Variants in TFCP2 observed in about 807,000 individuals in gnomAD.
TFCP2 encodes alpha-globin transcription factor CP2.
A neutral mutation model predicts 73.4 loss-of-function variants in TFCP2; 33 were observed. That is an observed-to-expected ratio of 0.45 (90% CI 0.34 to 0.60). The LOEUF (loss-of-function observed/expected upper bound fraction) is 0.60, where lower values mean the gene tolerates loss of function less well. Ranked by LOEUF, TFCP2 falls within the 20% of genes least tolerant of loss-of-function variation. TFCP2 has a pLI of 0.01. For missense variants in TFCP2, 352 were observed against 604.0 expected, an observed-to-expected ratio of 0.58 and a Z score of 4.37; for synonymous variants, 193 against 211.6, an observed-to-expected ratio of 0.91 and a Z score of 0.76.
At chr12:51,168,503 G>C (rs1941797408) in intron 1 of TFCP2, among the ~76,000 whole-genome samples, 1 of 151,582 alleles carries the variant, frequency 6.6e-6, no homozygotes, top group South Asian at 2.1e-4. Flanking sequence ...TTGTTTTTTT[G>C]AGACAGGGTC....
chr12:51,172,402 C>A lies in TFCP2; in HGVS notation c.21G>T (p.Leu7=), dbSNP rs763216240. The part of the protein sequence containing the change: MAWALK[L]PLADEVIESG... ...ATTCAATCACTTCGTCGGCCAGAGG[C>A]AGCTTCAGAGCCCAGGCCATCCTGG... Residue 7 remains leucine, a synonymous_variant, in exon 1 of 15, where the codon CTG becomes CTT. Transcript: ENST00000257915. 1.4e-5 allele frequency: 22 copies of A among 1,614,012 alleles called. No individual in the cohort carries two copies. Among genetic ancestry groups the A allele is most frequent in the Non-Finnish European group, 1.9e-5 (22 of 1,180,028 alleles).
At position 51,118,849 on chromosome 12, in the gene TFCP2, C is replaced by A. The variant is rs763710655; in HGVS notation, c.123-77G>T. ...GGTTTATTGCTGAATGATTTAACTGCAATGCTTTGGAAAGCCATAAACATT... is the reference window on the plus strand; with the variant it reads ...GGTTTATTGCTGAATGATTTAACTGAAATGCTTTGGAAAGCCATAAACATT... On this transcript the variant is annotated intron_variant, in intron 1 of 14. Coordinates refer to ENST00000257915, the MANE Select transcript of TFCP2 (RefSeq NM_005653.5). 6.0e-4 allele frequency: 878 copies of A among 1,474,294 alleles called. No homozygotes were observed. In the Middle Eastern group the frequency reaches 8.4e-3, roughly 14 times the overall value. 91.3% of individuals were successfully genotyped at this position (1,474,294 alleles called of 1,614,324 possible).
intron 1 of TFCP2, among the ~76,000 whole-genome samples, chr12:51,151,010 G>C (rs112663428): frequency 6.6e-6 from 1 of 152,094 alleles, no homozygotes; most frequent in Non-Finnish European, 1.5e-5. Context: ...TGCTGGTGAG[G>C]GGGAGGAGGC....
At chr12:51,153,359 G>C (rs1182218277) in intron 1 of TFCP2, among the ~76,000 whole-genome samples, 1 of 151,474 alleles carries the variant, frequency 6.6e-6, no homozygotes, top group African/African-American at 2.4e-5. Context: ...CTGGGTGACA[G>C]AGCAAGACCC....
chr12:51,109,026 A>G, intron 6 of TFCP2, 95 bp downstream of exon 6: 13 of 1,438,238 alleles, frequency 9.0e-6, no homozygotes, highest in Non-Finnish European at 1.2e-5. Context: ...TGAGTTTTCA[A>G]AAAAAGACAA....
intron 1 of TFCP2, among the ~76,000 whole-genome samples, chr12:51,138,723 C>T (rs1941120105): frequency 6.6e-6 from 1 of 152,058 alleles, no homozygotes; most frequent in South Asian, 2.1e-4. Context: ...ACCACAACAT[C>T]CGCCTCCCGG....
Position 51,173,122 on chromosome 12 carries a change from C to G in TFCP2, c.-700G>C, listed in dbSNP as rs1256331278. 1 of 152,454 alleles carries G rather than the reference C, an allele frequency of 6.6e-6. No homozygotes were observed. The highest frequency in any genetic ancestry group is 2.4e-5 in the African/African-American group (1 of 41,470). 9.4% of individuals were successfully genotyped at this position (152,454 alleles called of 1,614,324 possible). A position where few individuals can be genotyped will look rare whatever the true frequency, so the allele number is the denominator to read the frequency against. On this transcript the variant is annotated 5_prime_UTR_variant, in exon 1 of 15. Coordinates refer to ENST00000257915, the MANE Select transcript of TFCP2 (RefSeq NM_005653.5). ...CCAATCATGGCGTCCTCTTTCCTCG[C>G]CTGCCCGGCGAACATGACGTCACGC... is the stretch of plus-strand genomic sequence containing the variant.
chr12:51,095,293 A>G lies in TFCP2; in HGVS notation c.1472-15T>C, dbSNP rs749590120. 9.9e-6 allele frequency: 16 copies of G among 1,613,176 alleles called. No individual in the cohort carries two copies. Among genetic ancestry groups the G allele is most frequent in the African/African-American group, 1.3e-5 (1 of 74,882 alleles). On this transcript the variant is annotated splice_polypyrimidine_tract_variant and intron_variant, in intron 14 of 14. Coordinates refer to ENST00000257915, the MANE Select transcript of TFCP2 (RefSeq NM_005653.5). The stretch of plus-strand genomic sequence containing the variant: ...ATTGGTTTCTGCTGTTAAAAAAAAG[A>G]GAGAGAGAGAATCATCTTTAGTCAC...
intron 1 of TFCP2, among the ~76,000 whole-genome samples, chr12:51,146,092 A>G (rs552766134): frequency 5.3e-5 from 8 of 151,874 alleles, no homozygotes; most frequent in Admixed American, 2.0e-4. Context: ...GAGGCTGGCC[A>G]TAATGGCTCA....
intron 1 of TFCP2, among the ~76,000 whole-genome samples, chr12:51,119,850 G>GT (rs1245301169): frequency 6.6e-6 from 1 of 151,906 alleles, no homozygotes; most frequent in East Asian, 1.9e-4. Flanking sequence ...AAATGAAAAT[G>GT]TAAGTCCACC....
chr12:51,161,173 C>A (rs1941640795), intron 1 of TFCP2, among the ~76,000 whole-genome samples: 1 of 151,984 alleles, frequency 6.6e-6, no homozygotes, highest in Admixed American at 6.6e-5. Context: ...ACTTCAGTGA[C>A]CGCATGCAAC....
chr12:51,109,506 T>C (rs1940340404), intron 5 of TFCP2, among the ~76,000 whole-genome samples: 1 of 152,216 alleles, frequency 6.6e-6, no homozygotes, highest in Non-Finnish European at 1.5e-5. Context: ...CAAAAGCTAC[T>C]GTGAGGAACT....
At chr12:51,095,617 C>A (rs573890510) in intron 14 of TFCP2, among the ~76,000 whole-genome samples, 47 of 151,986 alleles carry the variant, frequency 3.1e-4, no homozygotes, top group Non-Finnish European at 5.0e-4. Flanking sequence ...GAGTTCGAGA[C>A]CAGCCTGGCC....
intron 1 of TFCP2, among the ~76,000 whole-genome samples, chr12:51,165,483 T>TGCTAA (rs757186072): frequency 1.3e-5 from 2 of 151,544 alleles, no homozygotes; most frequent in Non-Finnish European, 1.5e-5. Flanking sequence ...AAAGACATTA[T>TGCTAA]GCTAAGTGAA....
chr12:51,120,890 A>C (rs1273487313), intron 1 of TFCP2, among the ~76,000 whole-genome samples: 1 of 147,310 alleles, frequency 6.8e-6, no homozygotes, highest in Non-Finnish European at 1.5e-5. Context: ...AGCCTGGGCG[A>C]CATAGCGAGA....
chr12:51,152,913 T>C (rs796480694), intron 1 of TFCP2, among the ~76,000 whole-genome samples: 5 of 150,740 alleles, frequency 3.3e-5, no homozygotes, highest in African/African-American at 1.2e-4. Flanking sequence ...CCAGAACTCT[T>C]TTCATCTTGC....
At chr12:51,163,870 G>A (rs1181901800) in intron 1 of TFCP2, among the ~76,000 whole-genome samples, 2 of 152,056 alleles carry the variant, frequency 1.3e-5, no homozygotes, top group Non-Finnish European at 2.9e-5. Context: ...CCAACCAAAG[G>A]GAGGGAATAA....
intron 1 of TFCP2, chr12:51,125,134 T>G (rs752063364): frequency 4.0e-6 from 3 of 743,730 alleles, no homozygotes; most frequent in Non-Finnish European, 7.6e-6. Flanking sequence ...TGGAAGATGA[T>G]GCGCAGTGTG....
intron 1 of TFCP2, among the ~76,000 whole-genome samples, chr12:51,147,535 G>C (rs1045256767): frequency 2.0e-5 from 3 of 151,608 alleles, no homozygotes; most frequent in Admixed American, 1.3e-4. Context: ...GAGGTGGGGG[G>C]GGAAAGAGAG....
Sources: allele counts gnomAD v4.1 joint callset (sites outside exome capture counted in the v4.1 genomes callset), GRCh38; gene constraint gnomAD v4.1.1; transcripts MANE v1.5; gene names NCBI Gene and HGNC (gene_info 2026-07-23, HGNC 2026-07-21).